HMCN1: variants seen among roughly 807,000 people sequenced by gnomAD.
The protein encoded by HMCN1 is hemicentin 1.
In HMCN1, 321 loss-of-function variants were observed where a neutral mutation model predicts 625.9. The observed-to-expected ratio is 0.51, with a 90% CI of 0.47 to 0.56. HMCN1 has a LOEUF of 0.56. Ranked by LOEUF, HMCN1 falls within the 20% of genes least tolerant of loss-of-function variation. The pLI is 0.00. For synonymous variants in HMCN1, 2,425 were observed against 2,417.6 expected (o/e 1.00, Z -0.09); for missense variants, 6,588 against 6,887.3 (o/e 0.96, Z 1.54).
chr1:185,750,191 A>G (rs974401015), intron 1 of HMCN1, among the ~76,000 whole-genome samples: 8 of 152,192 alleles, frequency 5.3e-5, no homozygotes, highest in Non-Finnish European at 1.2e-4. Context: ...GTAGAGCCTC[A>G]TGTAAGTTTC....
chr1:186,145,335 G>T, intron 91 of HMCN1, 68 bp from the exon 92 acceptor site: 2 of 1,433,172 alleles, frequency 1.4e-6, no homozygotes, highest in Non-Finnish European at 1.9e-6. Flanking sequence ...CTTTTTGGAT[G>T]AATGTCATTG....
chr1:186,043,131 G>A (rs535249373), intron 40 of HMCN1, among the ~76,000 whole-genome samples: 1 of 152,112 alleles, frequency 6.6e-6, no homozygotes, highest in South Asian at 2.1e-4. Context: ...TCCCAGCAAC[G>A]ACAACCCTAT....
At position 185,925,055 on chromosome 1, in the gene HMCN1, A is replaced by C; in HGVS notation, c.1294A>C (p.Lys432Gln). ...SFSSIVPDAP[K>Q]VTMPEKTPGY... Reference sequence around the variant, plus strand: ...TTTGTTTTTTTTCCTAGATGCTCCCAAAGTTACGATGCCTGAGAAAACCCC... The same window carrying C: ...TTTGTTTTTTTTCCTAGATGCTCCCCAAGTTACGATGCCTGAGAAAACCCC... The change falls in exon 9 of 107, where the codon AAA becomes CAA. Residue 432 changes from lysine to glutamine, a missense_variant. Physicochemically the swap from Lys to Gln is moderately conservative, Grantham distance 53 (BLOSUM62 1). Around this residue, in one of 3 missense-constraint regions of HMCN1, gnomAD observed 4,628 missense variants for 4,853.1 expected, o/e 0.95. Transcript: ENST00000271588. The C allele has an allele frequency of 6.2e-7, 1 of 1,611,966 alleles. No homozygotes were observed. Among genetic ancestry groups the C allele is most frequent in the Non-Finnish European group, 8.5e-7 (1 of 1,178,734 alleles).
At chr1:185,949,435 G>C (rs534896832) in intron 11 of HMCN1, among the ~76,000 whole-genome samples, 22 of 151,910 alleles carry the variant, frequency 1.4e-4, no homozygotes, top group Non-Finnish European at 2.5e-4. Flanking sequence ...TTCTGAGAAG[G>C]GAAAGTGGTA....
At chr1:186,188,207 A>G (rs1273828104) in intron 106 of HMCN1, among the ~76,000 whole-genome samples, 198 bp downstream of exon 106, 1 of 152,182 alleles carries the variant, frequency 6.6e-6, no homozygotes. Context: ...CTGCCACCCA[A>G]GCTCACTCTT....
chr1:185,945,725 G>A (rs974435660), intron 11 of HMCN1, among the ~76,000 whole-genome samples: 1 of 152,122 alleles, frequency 6.6e-6, no homozygotes, highest in African/African-American at 2.4e-5. Flanking sequence ...CTGTTCAGAT[G>A]GAGAAAACTA....
intron 14 of HMCN1, 60 bp downstream of exon 14, chr1:185,965,975 A>C (rs1571631009): frequency 9.3e-7 from 1 of 1,076,922 alleles, no homozygotes; most frequent in Non-Finnish European, 1.4e-6. Flanking sequence ...TTTTAAAAAA[A>C]ATGATTTGTT....
chr1:185,910,560 T>G (rs1301959369), intron 5 of HMCN1, among the ~76,000 whole-genome samples: 1 of 150,940 alleles, frequency 6.6e-6, no homozygotes, highest in Non-Finnish European at 1.5e-5. Context: ...ATAACTTATT[T>G]CTTTCTTCCT....
intron 25 of HMCN1, among the ~76,000 whole-genome samples, chr1:185,999,535 G>T (rs1653033685): frequency 6.6e-6 from 1 of 151,994 alleles, no homozygotes; most frequent in East Asian, 1.9e-4. Flanking sequence ...AAAGATGCAT[G>T]AACAGTAGAG....
chr1:185,734,709 G>A lies in HMCN1; in HGVS notation c.-71G>A, dbSNP rs899908555. 2.3e-5 allele frequency: 33 copies of A among 1,455,174 alleles called. No individual in the cohort carries two copies. Among genetic ancestry groups the A allele is most frequent in the Admixed American group, 8.4e-5 (5 of 59,826 alleles). The allele number at this position is 1,455,174 out of a possible 1,614,324, so 90.1% of individuals were successfully genotyped here. A position where few individuals can be genotyped will look rare whatever the true frequency, so the allele number is the denominator to read the frequency against. On this transcript the variant is annotated 5_prime_UTR_variant, in exon 1 of 107. Coordinates refer to ENST00000271588, the MANE Select transcript of HMCN1 (RefSeq NM_031935.3). ...GAGTTACTCTGAGAGGAAACCCTCTGCCTGTTGTTGAGGAGGACTGAGCAC... is the reference window on the plus strand; with the variant it reads ...GAGTTACTCTGAGAGGAAACCCTCTACCTGTTGTTGAGGAGGACTGAGCAC...
intron 30 of HMCN1, among the ~76,000 whole-genome samples, chr1:186,012,683 C>G (rs955199691): frequency 1.3e-5 from 2 of 152,040 alleles, no homozygotes; most frequent in Non-Finnish European, 2.9e-5. Flanking sequence ...AATGGCTTTC[C>G]TTGGTTGGCT....
Position 186,015,404 on chromosome 1 carries a change from A to C in HMCN1, c.4876A>C (p.Thr1626Pro). 5 of 1,613,650 alleles carry C rather than the reference A, an allele frequency of 3.1e-6. No homozygotes were observed. The highest frequency in any genetic ancestry group is 4.2e-6 in the Non-Finnish European group (5 of 1,179,688). ...YTCHVANVAG[T>P]AEKSFHVDVY... ...GTGTCATGTAGCCAATGTTGCTGGA[A>C]CTGCTGAAAAATCATTCCATGTGGA... is the stretch of plus-strand genomic sequence containing the variant. Residue 1626 changes from threonine (T) to proline (P), a missense_variant, in exon 31 of 107, where the codon ACT (threonine) becomes CCT (proline). This residue lies in a region of HMCN1 where 4,628 missense variants were observed against 4,853.1 expected (regional missense o/e 0.95). Coordinates refer to ENST00000271588, the MANE Select transcript of HMCN1 (RefSeq NM_031935.3).
At chr1:185,968,827 ATCTGAAAGGT>A (rs1380238394) in intron 14 of HMCN1, among the ~76,000 whole-genome samples, 2 of 152,154 alleles carry the variant, frequency 1.3e-5, no homozygotes, top group African/African-American at 4.8e-5. Context: ...TTTTACTTCC[ATCTGAAAGGT>A]TCTGTATTTA....
chr1:185,812,424 C>A (rs1261057491), intron 1 of HMCN1, among the ~76,000 whole-genome samples: 1 of 152,074 alleles, frequency 6.6e-6, no homozygotes, highest in Non-Finnish European at 1.5e-5. Context: ...AAAAAAGTGT[C>A]ATATGCGACT....
At chr1:185,785,922 C>T (rs888875456) in intron 1 of HMCN1, among the ~76,000 whole-genome samples, 11 of 152,158 alleles carry the variant, frequency 7.2e-5, no homozygotes, top group Admixed American at 3.3e-4. Context: ...TACTCTACTT[C>T]GAAATGACAT....
chr1:185,991,384 T>C (rs1652412862), intron 22 of HMCN1, among the ~76,000 whole-genome samples: 1 of 152,184 alleles, frequency 6.6e-6, no homozygotes, highest in Admixed American at 6.5e-5. Context: ...CAGAAAGTTT[T>C]ATTGTTCCCT....
Position 186,003,742 on chromosome 1 carries a change from A to G in HMCN1, c.4373A>G (p.Asn1458Ser), listed in dbSNP as rs757430423. The stretch of plus-strand genomic sequence containing the variant: ...GTTCCACCCACCATAATAGGTACCA[A>G]CTTCCCAAATGAAGTCTCAGTTGTC... The part of the protein sequence containing the change: ...VLVPPTIIGT[N>S]FPNEVSVVLN... The change falls in exon 29 of 107, where the codon AAC becomes AGC. Residue 1458 changes from asparagine (N) to serine (S), a missense_variant. Physicochemically the swap from Asn to Ser is conservative, Grantham distance 46 (BLOSUM62 1). This residue lies in a region of HMCN1 where 4,628 missense variants were observed against 4,853.1 expected (regional missense o/e 0.95). Coordinates refer to ENST00000271588, the MANE Select transcript of HMCN1 (RefSeq NM_031935.3). 76 of 1,613,194 alleles carry G rather than the reference A, an allele frequency of 4.7e-5. No homozygotes were observed. Among genetic ancestry groups the G allele is most frequent in the Admixed American group, 1.0e-4 (6 of 59,942 alleles).
At chr1:186,149,566 CT>C (rs751763639) in intron 93 of HMCN1, among the ~76,000 whole-genome samples, 97 of 152,278 alleles carry the variant, frequency 6.4e-4, no homozygotes, top group South Asian at 3.1e-3. Flanking sequence ...GGTTGTTTCA[CT>C]TTCTTATTTG....
intron 1 of HMCN1, among the ~76,000 whole-genome samples, chr1:185,784,929 C>T (rs1191413198): frequency 2.0e-5 from 3 of 152,162 alleles, no homozygotes. Context: ...GTCGTGGATA[C>T]ATTTTGCATA....
Sources: gnomAD v4.1 joint callset for allele counts (sites outside exome capture counted in the v4.1 genomes callset) on GRCh38, gnomAD v4.1.1 for gene constraint, gnomAD v4.1.1 regional missense constraint, MANE v1.5 for transcripts, NCBI Gene and HGNC (gene_info 2026-07-23, HGNC 2026-07-21) for gene names.